Variants in MOB4 observed in about 807,000 individuals in gnomAD.
MOB4 encodes MOB-like protein phocein.
MOB4 carries 4 observed loss-of-function variants against 32.2 expected under a neutral mutation model. The observed-to-expected ratio is 0.12, with a 90% CI of 0.06 to 0.28. The LOEUF (loss-of-function observed/expected upper bound fraction) is 0.28. MOB4 is among the 10% of genes least tolerant of loss of function. The probability of loss-of-function intolerance (pLI) is 1.00; values close to 1 mark genes in which losing one functional copy is unlikely to be tolerated. For synonymous variants in MOB4, 88 were observed against 88.1 expected, an observed-to-expected ratio of 1.00 and a Z score of 0.01; for missense variants, 158 against 271.2, an observed-to-expected ratio of 0.58 and a Z score of 2.93.
At chr2:197,531,794 C>T (rs1376825228) in intron 2 of MOB4, among the ~76,000 whole-genome samples, 4 of 152,066 alleles carry the variant, frequency 2.6e-5, no homozygotes, top group Admixed American at 6.6e-5. Flanking sequence ...CCACCTGCCT[C>T]GGCCTCCCAA....
chr2:197,548,911 T>G (rs1198993972), intron 6 of MOB4, among the ~76,000 whole-genome samples: 2 of 152,072 alleles, frequency 1.3e-5, no homozygotes, highest in Non-Finnish European at 2.9e-5. Flanking sequence ...AGACTCGACC[T>G]CCCTTTATGT....
chr2:197,526,907 G>A (rs1437562673), intron 2 of MOB4, among the ~76,000 whole-genome samples: 1 of 152,052 alleles, frequency 6.6e-6, no homozygotes, highest in Non-Finnish European at 1.5e-5. Flanking sequence ...CTGTAGCTTT[G>A]TAGTAAGTTT....
chr2:197,515,807 T>C (rs563801106), upstream of MOB4: 24 of 506,444 alleles, frequency 4.7e-5, no homozygotes, highest in African/African-American at 4.7e-4. Flanking sequence ...GATCACGACC[T>C]TTCAAACCGC....
chr2:197,544,063 A>G (rs1405583722), intron 5 of MOB4, among the ~76,000 whole-genome samples: 5 of 146,940 alleles, frequency 3.4e-5, no homozygotes, highest in Non-Finnish European at 7.5e-5. Context: ...TTTTTTTTTT[A>G]AGAGACAAGA....
intron 5 of MOB4, among the ~76,000 whole-genome samples, chr2:197,541,340 C>T (rs1445550011): frequency 6.6e-6 from 1 of 152,112 alleles, no homozygotes; most frequent in East Asian, 1.9e-4. Context: ...CCCATTTAAT[C>T]TGTTATAATT....
chr2:197,525,984 C>T (rs2086605549), intron 2 of MOB4, among the ~76,000 whole-genome samples: 1 of 152,004 alleles, frequency 6.6e-6, no homozygotes, highest in South Asian at 2.1e-4. Context: ...CATACGAGAC[C>T]CATGTCATAT....
intron 1 of MOB4, among the ~76,000 whole-genome samples, chr2:197,521,056 G>A (rs6434932): frequency 0.99 from 151,428 of 152,190 alleles, 75,336 homozygotes; most frequent in Middle Eastern, 1. Context: ...AGCATGCAGT[G>A]TATAATAATC....
chr2:197,548,265 C>T, intron 5 of MOB4, 71 bp from the exon 6 acceptor site: 19 of 1,310,272 alleles, frequency 1.5e-5, no homozygotes, highest in East Asian at 2.5e-5. Flanking sequence ...TAAGGTATAC[C>T]CATATAATGA....
intron 2 of MOB4, among the ~76,000 whole-genome samples, chr2:197,532,402 A>T (rs1316667251): frequency 6.6e-6 from 1 of 152,210 alleles, no homozygotes; most frequent in Non-Finnish European, 1.5e-5. Flanking sequence ...GGGTGGGCCC[A>T]GTGGTTCATG....
intron 5 of MOB4, among the ~76,000 whole-genome samples, chr2:197,547,421 A>G (rs1362601905): frequency 2.0e-5 from 3 of 152,306 alleles, no homozygotes; most frequent in Non-Finnish European, 2.9e-5. Flanking sequence ...ATATCTGGAG[A>G]AAGGTAGTTT....
At position 197,523,650 on chromosome 2, in the gene MOB4, C is replaced by T. The variant is rs2086559953; in HGVS notation, c.87C>T (p.Ser29=). The change falls in exon 2 of 8, where the codon TCC becomes TCT. Residue 29 remains serine, a synonymous_variant. Transcript: ENST00000323303. ...AQDFYNWPDE[S]FDEMDSTLAV... is the part of the protein sequence containing the mutation. ...ATTTCTATAATTGGCCTGATGAATC[C>T]TTTGATGAAATGGACAGTACACTAG... 6.2e-7 allele frequency: 1 copy of T among 1,609,436 alleles called. No homozygotes were observed. The highest frequency in any genetic ancestry group is 1.3e-5 in the African/African-American group (1 of 74,602).
At chr2:197,531,588 C>T (rs1466535440) in intron 2 of MOB4, among the ~76,000 whole-genome samples, 6 of 151,766 alleles carry the variant, frequency 4.0e-5, no homozygotes, top group East Asian at 1.9e-4. Flanking sequence ...TTTTTTGAGA[C>T]GGAGTCTTGC....
upstream of MOB4, chr2:197,515,763 A>G (rs1024356216): frequency 1.7e-5 from 7 of 402,502 alleles, no homozygotes; most frequent in Non-Finnish European, 3.1e-5. Flanking sequence ...CCAACGTGCA[A>G]CGCAGCCGTG....
At chr2:197,517,495 T>C (rs1481083829) in intron 1 of MOB4, among the ~76,000 whole-genome samples, 3 of 152,226 alleles carry the variant, frequency 2.0e-5, no homozygotes, top group African/African-American at 7.2e-5. Flanking sequence ...CATTTTTATG[T>C]TCAGAAGTAG....
chr2:197,537,923 G>A (rs2086830204), intron 3 of MOB4, among the ~76,000 whole-genome samples: 1 of 152,034 alleles, frequency 6.6e-6, no homozygotes, highest in South Asian at 2.1e-4. Context: ...GGGACTACAG[G>A]CACACGCCAC....
intron 2 of MOB4, among the ~76,000 whole-genome samples, chr2:197,528,337 C>G (rs771683881): frequency 6.6e-6 from 1 of 151,992 alleles, no homozygotes; most frequent in Non-Finnish European, 1.5e-5. Flanking sequence ...AAATGGGTAC[C>G]TGCGCAGTTT....
intron 4 of MOB4, 77 bp from the exon 5 acceptor site, chr2:197,540,274 A>G (rs2086875133): frequency 3.4e-6 from 5 of 1,473,072 alleles, no homozygotes; most frequent in Non-Finnish European, 2.7e-6. Flanking sequence ...AGAATTTATT[A>G]TGGAAATATA....
chr2:197,549,076 A>G lies in MOB4; in HGVS notation c.434+661A>G, dbSNP rs959238977. Reference sequence around the variant, plus strand: ...AAACTCCTTCTCTACTAAAAATACAAAATGATCTGGGCATGGTGACGAGTA... The same window carrying G: ...AAACTCCTTCTCTACTAAAAATACAGAATGATCTGGGCATGGTGACGAGTA... On this transcript the variant is annotated intron_variant, in intron 6 of 7. Transcript: ENST00000323303. Among the ~76,000 whole-genome samples the G allele has an allele frequency of 3.6e-4, 55 of 152,102 alleles. 1 individual carries two copies. Among genetic ancestry groups the G allele is most frequent in the Admixed American group, 1.4e-3 (22 of 15,276 alleles).
upstream of MOB4, chr2:197,516,031 G>C: frequency 6.6e-7 from 1 of 1,525,456 alleles, no homozygotes; most frequent in Non-Finnish European, 8.9e-7. Flanking sequence ...CGCCCCCCGC[G>C]CAGGCTGCCG....
Sources: allele counts gnomAD v4.1 joint callset (sites outside exome capture counted in the v4.1 genomes callset), GRCh38; gene constraint gnomAD v4.1.1; transcripts MANE v1.5; gene names NCBI Gene and HGNC (gene_info 2026-07-23, HGNC 2026-07-21).